PRORP: variants seen among roughly 807,000 people sequenced by gnomAD.
PRORP encodes mitochondrial ribonuclease P catalytic subunit.
PRORP carries 51 observed loss-of-function variants against 59.4 expected under a neutral mutation model. The observed-to-expected ratio is 0.86, with a 90% CI of 0.69 to 1.08. The LOEUF (loss-of-function observed/expected upper bound fraction) is 1.08. PRORP is among the 50% of genes least tolerant of loss of function. The pLI is 0.00. For missense variants in PRORP, 646 were observed against 690.3 expected, an observed-to-expected ratio of 0.94 and a Z score of 0.72; for synonymous variants, 231 against 245.6, an observed-to-expected ratio of 0.94 and a Z score of 0.55.
chr14:35,146,692 A>C (rs949638443), intron 4 of PRORP, among the ~76,000 whole-genome samples: 1 of 152,254 alleles, frequency 6.6e-6, no homozygotes, highest in East Asian at 1.9e-4. Context: ...TGTGTTTTAA[A>C]GTACAGGCAT....
At chr14:35,263,056 T>C (rs1020377110) in intron 5 of PRORP, 9 of 1,499,966 alleles carry the variant, frequency 6.0e-6, no homozygotes, top group Non-Finnish European at 8.3e-6. Context: ...GTTGTCCAGC[T>C]TCTGAAACAA....
chr14:35,230,869 G>T (rs1221528487), intron 5 of PRORP, among the ~76,000 whole-genome samples: 1 of 152,026 alleles, frequency 6.6e-6, no homozygotes, highest in African/African-American at 2.4e-5. Flanking sequence ...CATGGTGGGA[G>T]TAGTGCCTAA....
rs562610859 is a variant in PRORP at position 35,198,350 on chromosome 14, G to T, written c.1275+17573G>T. Among the ~76,000 whole-genome samples the T allele has an allele frequency of 2.0e-5, 3 of 152,302 alleles. No individual in the cohort carries two copies. In the South Asian group the frequency reaches 6.2e-4, roughly 32 times the overall value. On this transcript the variant is annotated intron_variant, in intron 5 of 7. Transcript: ENST00000534898. ...TTCACAACATTCTTGTTACGAACCG[G>T]TGAATGGATTGTGTAAGCATCAGCA...
chr14:35,231,054 C>G (rs1486966164), intron 5 of PRORP, among the ~76,000 whole-genome samples: 3 of 151,774 alleles, frequency 2.0e-5, no homozygotes, highest in Non-Finnish European at 4.4e-5. Context: ...GGGAGAACAG[C>G]TAGGTGGCTG....
At chr14:35,250,494 C>A (rs188987888) in intron 5 of PRORP, among the ~76,000 whole-genome samples, 34 of 152,270 alleles carry the variant, frequency 2.2e-4, no homozygotes, top group Non-Finnish European at 4.1e-4. Context: ...ATAATAAGAT[C>A]AGAAGCTGCC....
intron 5 of PRORP, among the ~76,000 whole-genome samples, chr14:35,215,102 C>T (rs188204186): frequency 4.6e-5 from 7 of 152,148 alleles, no homozygotes; most frequent in Non-Finnish European, 8.8e-5. Context: ...CTTTTATGAT[C>T]TTCGGTGGTC....
intron 4 of PRORP, among the ~76,000 whole-genome samples, chr14:35,155,400 G>T (rs911229441): frequency 4.0e-5 from 6 of 151,664 alleles, no homozygotes; most frequent in Non-Finnish European, 8.8e-5. Context: ...ATATGTTTAA[G>T]ATTTTCATCT....
At chr14:35,219,230 A>T (rs998445509) in intron 5 of PRORP, 12 of 152,228 alleles carry the variant, frequency 7.9e-5, no homozygotes, top group Non-Finnish European at 1.5e-5. Flanking sequence ...GGTGTTTCCC[A>T]GTCCACTGCC....
At chr14:35,236,554 A>G (rs145452770) in intron 5 of PRORP, among the ~76,000 whole-genome samples, 59 of 152,274 alleles carry the variant, frequency 3.9e-4, no homozygotes, top group African/African-American at 1.3e-3. Flanking sequence ...TGATGAACAT[A>G]TTTTAGTCTT....
chr14:35,195,680 G>T (rs1357792906), intron 5 of PRORP, among the ~76,000 whole-genome samples: 1 of 152,004 alleles, frequency 6.6e-6, no homozygotes, highest in Non-Finnish European at 1.5e-5. Flanking sequence ...TTTCAAACTT[G>T]AGTTTGAGAA....
chr14:35,128,351 G>C (rs1048494781), intron 4 of PRORP, among the ~76,000 whole-genome samples: 2 of 150,334 alleles, frequency 1.3e-5, no homozygotes, highest in African/African-American at 4.9e-5. Flanking sequence ...GGTAACACTA[G>C]CCTCATGGAA....
chr14:35,149,014 G>A (rs1051882993), intron 4 of PRORP, among the ~76,000 whole-genome samples: 4 of 143,466 alleles, frequency 2.8e-5, no homozygotes, highest in African/African-American at 7.8e-5. Context: ...CGCCTCCCAG[G>A]TTCACGCCAT....
chr14:35,178,563 A>G (rs1293157907), intron 4 of PRORP, among the ~76,000 whole-genome samples: 1 of 151,868 alleles, frequency 6.6e-6, no homozygotes, highest in African/African-American at 2.4e-5. Flanking sequence ...TAGGATTGCA[A>G]CCTCTGCCTT....
chr14:35,182,061 C>T (rs750660094), intron 5 of PRORP, among the ~76,000 whole-genome samples: 10 of 146,038 alleles, frequency 6.8e-5, no homozygotes, highest in African/African-American at 1.0e-4. Flanking sequence ...GTCAGGAGTT[C>T]GAGACCAGCC....
At chr14:35,262,620 C>G in intron 5 of PRORP, 1 of 739,912 alleles carries the variant, frequency 1.4e-6, no homozygotes, top group Non-Finnish European at 2.5e-6. Flanking sequence ...AGAAAAGAGG[C>G]TCCAGGTTGA....
At chr14:35,205,566 C>G (rs535529159) in intron 5 of PRORP, among the ~76,000 whole-genome samples, 1 of 152,152 alleles carries the variant, frequency 6.6e-6, no homozygotes, top group South Asian at 2.1e-4. Flanking sequence ...AAGCAATCCT[C>G]CCACCTTGGC....
intron 5 of PRORP, among the ~76,000 whole-genome samples, chr14:35,204,357 ACCACTTAAGAAT>A (rs1211133323): frequency 2.0e-5 from 3 of 152,208 alleles, no homozygotes; most frequent in Non-Finnish European, 2.9e-5. Context: ...TCACAAAGTT[ACCACTTAAGAAT>A]ACTGTTCAGT....
At chr14:35,165,936 T>C (rs955391479) in intron 4 of PRORP, among the ~76,000 whole-genome samples, 2 of 152,078 alleles carry the variant, frequency 1.3e-5, no homozygotes, top group African/African-American at 2.4e-5. Flanking sequence ...CACCTCAGCC[T>C]CCCAAAGTGC....
chr14:35,235,062 C>G, intron 5 of PRORP: 1 of 393,740 alleles, frequency 2.5e-6, no homozygotes, highest in Non-Finnish European at 4.9e-6. Flanking sequence ...TGAAATGGCA[C>G]TCTTTCAATG....
Sources: allele counts gnomAD v4.1 joint callset (sites outside exome capture counted in the v4.1 genomes callset), GRCh38; gene constraint gnomAD v4.1.1; transcripts MANE v1.5; gene names NCBI Gene and HGNC (gene_info 2026-07-23, HGNC 2026-07-21).